The following MPP7 variants were observed in gnomAD, a reference collection of about 807,000 sequenced individuals.
The protein encoded by MPP7 is MAGUK p55 subfamily member 7.
A neutral mutation model predicts 76.5 loss-of-function variants in MPP7; 60 were observed. That is an observed-to-expected ratio of 0.78 (90% CI 0.64 to 0.97). The LOEUF is 0.97. Among genes scored for constraint, MPP7 ranks in the 50% least tolerant of loss-of-function variants. The probability of loss-of-function intolerance (pLI) is 0.00; values close to 1 mark genes in which losing one functional copy is unlikely to be tolerated. For missense variants in MPP7, 641 were observed against 694.0 expected (o/e 0.92, Z 0.86); for synonymous variants, 237 against 244.5 (o/e 0.97, Z 0.29).
At chr10:28,154,091 C>A (rs182654689) in intron 3 of MPP7, among the ~76,000 whole-genome samples, 1 of 152,130 alleles carries the variant, frequency 6.6e-6, no homozygotes, top group Non-Finnish European at 1.5e-5. Context: ...ATATCACTGG[C>A]CACTTTGCTA....
intron 2 of MPP7, among the ~76,000 whole-genome samples, chr10:28,226,129 T>A (rs1047883636): frequency 1.5e-4 from 23 of 152,094 alleles, no homozygotes; most frequent in African/African-American, 4.6e-4. Context: ...GTAAAATAAG[T>A]CAGTGAAGAA....
chr10:28,071,515 C>T (rs1233414714), intron 12 of MPP7, among the ~76,000 whole-genome samples: 2 of 152,198 alleles, frequency 1.3e-5, no homozygotes, highest in Non-Finnish European at 2.9e-5. Flanking sequence ...ACTCTCAATT[C>T]TCCCTCTTAT....
At chr10:28,066,149 C>T (rs903084698) in intron 13 of MPP7, among the ~76,000 whole-genome samples, 1 of 152,080 alleles carries the variant, frequency 6.6e-6, no homozygotes, top group African/African-American at 2.4e-5. Context: ...GGAGGATCAT[C>T]TGAGGCCAGG....
Sources: allele counts gnomAD v4.1 joint callset (sites outside exome capture counted in the v4.1 genomes callset), GRCh38; gene constraint gnomAD v4.1.1; transcripts MANE v1.5; gene names NCBI Gene and HGNC (gene_info 2026-07-23, HGNC 2026-07-21).